The following YWHAE variants were observed in gnomAD, a reference collection of about 807,000 sequenced individuals.
YWHAE encodes tyrosine 3-monooxygenase/tryptophan 5-monooxygenase activation protein epsilon.
In YWHAE, 4 loss-of-function variants were observed where a neutral mutation model predicts 30.1. That is an observed-to-expected ratio of 0.13 (90% confidence interval 0.07 to 0.30). The LOEUF (loss-of-function observed/expected upper bound fraction) is 0.30, where lower values mean the gene tolerates loss of function less well. Ranked by LOEUF, YWHAE falls within the 10% of genes least tolerant of loss-of-function variation. The pLI is 1.00. For synonymous variants in YWHAE, 118 were observed against 111.8 expected (o/e 1.06, Z -0.35); for missense variants, 121 against 315.9 (o/e 0.38, Z 4.68).
At chr17:1,390,471 AT>A (rs1168159461) in intron 1 of YWHAE, among the ~76,000 whole-genome samples, 1 of 152,206 alleles carries the variant, frequency 6.6e-6, no homozygotes, top group African/African-American at 2.4e-5. Context: ...AAAAACAATT[AT>A]CTGACCTTTC....
At chr17:1,345,616 A>T in intron 5 of YWHAE, 117 bp from the exon 6 acceptor site, 1 of 1,049,306 alleles carries the variant, frequency 9.5e-7, no homozygotes, top group South Asian at 1.4e-5. Flanking sequence ...AATTGGTATT[A>T]AACGCAGGCA....
chr17:1,387,125 A>G (rs960014137), intron 1 of YWHAE, among the ~76,000 whole-genome samples: 1 of 152,258 alleles, frequency 6.6e-6, no homozygotes, highest in Non-Finnish European at 1.5e-5. Context: ...TTTGGTCTCA[A>G]TATTTAGGGC....
intron 1 of YWHAE, among the ~76,000 whole-genome samples, chr17:1,388,117 G>GTTTTTTTTT (rs1491196737): frequency 1.4e-4 from 9 of 65,110 alleles, no homozygotes; most frequent in Admixed American, 5.1e-4. Flanking sequence ...TTTTTTGGTT[G>GTTTTTTTTT]GTTTTTTTTT....
intron 1 of YWHAE, among the ~76,000 whole-genome samples, chr17:1,381,110 C>T (rs775117195): frequency 6.6e-6 from 1 of 152,180 alleles, no homozygotes; most frequent in South Asian, 2.1e-4. Context: ...AGAGGCTGGG[C>T]GCAGTGGCTC....
intron 5 of YWHAE, among the ~76,000 whole-genome samples, chr17:1,353,348 G>A (rs966614687): frequency 6.8e-6 from 1 of 146,862 alleles, no homozygotes; most frequent in Admixed American, 7.1e-5. Flanking sequence ...TGAGGTGGGA[G>A]AATGGTGTAA....
intron 4 of YWHAE, among the ~76,000 whole-genome samples, chr17:1,358,825 A>G (rs1230217980): frequency 1.2e-5 from 1 of 83,152 alleles, no homozygotes; most frequent in East Asian, 2.8e-4. Flanking sequence ...GCGAGACTCC[A>G]TCTTAAAAAA....
intron 1 of YWHAE, among the ~76,000 whole-genome samples, chr17:1,367,855 G>A (rs957078649): frequency 4.6e-5 from 7 of 152,086 alleles, no homozygotes; most frequent in African/African-American, 1.4e-4. Context: ...TGAACTGAGG[G>A]GCTTTTGTGC....
At chr17:1,346,477 G>A (rs1028768884) in intron 5 of YWHAE, among the ~76,000 whole-genome samples, 12 of 152,152 alleles carry the variant, frequency 7.9e-5, no homozygotes, top group African/African-American at 2.4e-4. Flanking sequence ...TAATTAGGAT[G>A]GACAAATAAC....
At position 1,379,007 on chromosome 17, in the gene YWHAE, G is replaced by C. The variant is rs16945627; in HGVS notation, c.65-13949C>G. On this transcript the variant is annotated intron_variant, in intron 1 of 5. Transcript: ENST00000264335. ...CCAAGAAAGTTACAAAACATTCTCA[G>C]ATGGCTAACCTGAATTATACTGGTT... Among the ~76,000 whole-genome samples, 242 of 151,248 alleles carry C rather than the reference G, an allele frequency of 1.6e-3. 2 individuals are homozygous for C. The highest frequency in any genetic ancestry group is 5.4e-3 in the African/African-American group (224 of 41,258).
In YWHAE at chr17:1,393,938, T is replaced by C. The variant is rs1176060263; in HGVS notation, c.64+6109A>G. Among the ~76,000 whole-genome samples the C allele has an allele frequency of 2.6e-5, 4 of 152,184 alleles. No homozygotes were observed. In the East Asian group the frequency reaches 7.7e-4, roughly 29 times the overall value. On this transcript the variant is annotated intron_variant, in intron 1 of 5. Coordinates refer to ENST00000264335, the MANE Select transcript of YWHAE (RefSeq NM_006761.5). ...GTTTCTTTAGGAAAGTGAAAAGATT[T>C]TGTCTACAATTCACCATGGATATCA...
At chr17:1,374,625 G>A (rs1262349597) in intron 1 of YWHAE, among the ~76,000 whole-genome samples, 1 of 152,156 alleles carries the variant, frequency 6.6e-6, no homozygotes, top group Non-Finnish European at 1.5e-5. Flanking sequence ...AGTCATCCTA[G>A]TGGGTGTGAA....
chr17:1,385,273 G>A (rs1435009831), intron 1 of YWHAE, among the ~76,000 whole-genome samples: 1 of 151,972 alleles, frequency 6.6e-6, no homozygotes, highest in Non-Finnish European at 1.5e-5. Context: ...CCATGTTAAT[G>A]ATGTGCAGTT....
chr17:1,350,906 A>AC (rs1459190792), intron 5 of YWHAE, among the ~76,000 whole-genome samples: 1 of 150,988 alleles, frequency 6.6e-6, no homozygotes, highest in African/African-American at 2.4e-5. Flanking sequence ...AAACAAACAA[A>AC]AAACTAGCTG....
At chr17:1,388,117 G>GTTTTTTTTTTTTTTTTTT (rs1491196737) in intron 1 of YWHAE, among the ~76,000 whole-genome samples, 4 of 65,110 alleles carry the variant, frequency 6.1e-5, no homozygotes, top group African/African-American at 2.3e-4. Flanking sequence ...TTTTTTGGTT[G>GTTTTTTTTTTTTTTTTTT]GTTTTTTTTT....
At chr17:1,355,115 TTAAAAAAAAAAAAAAA>T (rs2072713795) in intron 4 of YWHAE, among the ~76,000 whole-genome samples, 4 of 72,378 alleles carry the variant, frequency 5.5e-5, no homozygotes, top group Non-Finnish European at 7.6e-5. Flanking sequence ...CCAAGATTTT[TTAAAAAAAAAAAAAAA>T]AAAAAAAAAA....
chr17:1,377,467 C>T (rs111783860), intron 1 of YWHAE, among the ~76,000 whole-genome samples: 3 of 152,044 alleles, frequency 2.0e-5, no homozygotes, highest in African/African-American at 7.2e-5. Context: ...CTGTCAGAAC[C>T]GGAAATGTGG....
intron 5 of YWHAE, among the ~76,000 whole-genome samples, chr17:1,348,758 T>A (rs1320359844): frequency 2.0e-5 from 3 of 152,214 alleles, no homozygotes; most frequent in Non-Finnish European, 4.4e-5. Flanking sequence ...GAACAGTGGC[T>A]CACGCCTGTA....
At chr17:1,366,938 T>C (rs1325177725) in intron 1 of YWHAE, among the ~76,000 whole-genome samples, 4 of 151,960 alleles carry the variant, frequency 2.6e-5, no homozygotes, top group Non-Finnish European at 4.4e-5. Context: ...TGAGACTCCG[T>C]TTCAAAAAAA....
intron 5 of YWHAE, 54 bp from the exon 6 acceptor site, chr17:1,345,553 G>A: frequency 6.4e-7 from 1 of 1,571,042 alleles, no homozygotes; most frequent in Non-Finnish European, 8.7e-7. Flanking sequence ...TTAGGCTATG[G>A]CAGCCACAAA....
Sources: gnomAD v4.1 joint callset for allele counts (sites outside exome capture counted in the v4.1 genomes callset) on GRCh38, gnomAD v4.1.1 for gene constraint, MANE v1.5 for transcripts, NCBI Gene and HGNC (gene_info 2026-07-23, HGNC 2026-07-21) for gene names.